UNC5D: variants seen among roughly 807,000 people sequenced by gnomAD.
UNC5D encodes unc-5 netrin receptor D, also known as netrin receptor UNC5D.
In UNC5D, 39 loss-of-function variants were observed where a neutral mutation model predicts 105.4. The observed-to-expected ratio is 0.37, with a 90% CI of 0.29 to 0.48. The LOEUF (loss-of-function observed/expected upper bound fraction) is 0.48, where lower values mean the gene tolerates loss of function less well. UNC5D is among the 20% of genes least tolerant of loss of function. The pLI, the probability that UNC5D is intolerant of heterozygous loss-of-function variation, is 0.98. For synonymous variants in UNC5D, 452 were observed against 450.4 expected, an observed-to-expected ratio of 1.00 and a Z score of -0.04; for missense variants, 991 against 1,202.4, an observed-to-expected ratio of 0.82 and a Z score of 2.60.
At chr8:35,641,725 C>T (rs924943445) in intron 4 of UNC5D, among the ~76,000 whole-genome samples, 7 of 152,098 alleles carry the variant, frequency 4.6e-5, no homozygotes, top group Non-Finnish European at 8.8e-5. Context: ...TGCAAAAATA[C>T]GGCTTTTTCA....
chr8:35,704,992 G>A (rs1173941015), intron 7 of UNC5D, among the ~76,000 whole-genome samples: 1 of 142,246 alleles, frequency 7.0e-6, no homozygotes, highest in Non-Finnish European at 1.5e-5. Context: ...TTGAGACGGA[G>A]TCTCGCTGTT....
chr8:35,474,865 G>T (rs1201044376), intron 1 of UNC5D, among the ~76,000 whole-genome samples: 1 of 152,200 alleles, frequency 6.6e-6, no homozygotes. Context: ...TCACAGTGGT[G>T]GAAAGGAGGC....
At chr8:35,633,023 G>C (rs1303968052) in intron 4 of UNC5D, among the ~76,000 whole-genome samples, 1 of 152,146 alleles carries the variant, frequency 6.6e-6, no homozygotes, top group Non-Finnish European at 1.5e-5. Context: ...GGACCAACTT[G>C]CACTCCAATA....
intron 11 of UNC5D, among the ~76,000 whole-genome samples, chr8:35,737,840 C>T (rs1586561889): frequency 6.6e-6 from 1 of 152,268 alleles, no homozygotes; most frequent in East Asian, 1.9e-4. Flanking sequence ...GGCTTGGTGT[C>T]TCACGCTTGT....
At chr8:35,543,631 A>G (rs1815428267) in intron 1 of UNC5D, among the ~76,000 whole-genome samples, 1 of 148,614 alleles carries the variant, frequency 6.7e-6, no homozygotes, top group African/African-American at 2.5e-5. Context: ...AAAAATTCTT[A>G]TTATTTTATT....
intron 1 of UNC5D, among the ~76,000 whole-genome samples, chr8:35,365,449 G>A (rs1012639587): frequency 6.6e-6 from 1 of 151,870 alleles, no homozygotes; most frequent in African/African-American, 2.4e-5. Flanking sequence ...AAAAACCAAT[G>A]CATGAAGAAC....
At chr8:35,761,155 G>A (rs1198314710) in intron 14 of UNC5D, among the ~76,000 whole-genome samples, 2 of 152,038 alleles carry the variant, frequency 1.3e-5, no homozygotes, top group Admixed American at 1.3e-4. Context: ...TTTGCTTTCT[G>A]GTAAGCAGTA....
At chr8:35,482,791 A>ATTT (rs1399256412) in intron 1 of UNC5D, among the ~76,000 whole-genome samples, 3 of 98,886 alleles carry the variant, frequency 3.0e-5, no homozygotes, top group Admixed American at 1.0e-4. Flanking sequence ...CATTAAAGAG[A>ATTT]TCTTTTTTTT....
At chr8:35,353,415 C>T (rs1812385154) in intron 1 of UNC5D, among the ~76,000 whole-genome samples, 3 of 152,094 alleles carry the variant, frequency 2.0e-5, no homozygotes, top group South Asian at 2.1e-4. Flanking sequence ...GTTGTCGTGT[C>T]GGTGGATAAA....
At position 35,406,958 on chromosome 8, in the gene UNC5D, A is replaced by G. The variant is rs113166921; in HGVS notation, c.104-142334A>G. On this transcript the variant is annotated intron_variant, in intron 1 of 16. Transcript: ENST00000404895. ...TGTGTATACATGCATATATATGTAT[A>G]CATATATGAACTATCATGTACAGAC... Among the ~76,000 whole-genome samples the G allele has an allele frequency of 7.3e-3, 1,106 of 152,262 alleles. 23 individuals are homozygous for G. Among genetic ancestry groups the G allele is most frequent in the African/African-American group, 0.026 (1,062 of 41,580 alleles).
At chr8:35,449,742 T>C (rs2128990116) in intron 1 of UNC5D, among the ~76,000 whole-genome samples, 1 of 152,236 alleles carries the variant, frequency 6.6e-6, no homozygotes, top group Non-Finnish European at 1.5e-5. Flanking sequence ...CAGCCTCCCA[T>C]CTCTGGCACC....
chr8:35,373,180 T>G (rs1802518957), intron 1 of UNC5D, among the ~76,000 whole-genome samples: 1 of 152,240 alleles, frequency 6.6e-6, no homozygotes, highest in South Asian at 2.1e-4. Flanking sequence ...TCAGCCTATC[T>G]TGATTCTTTC....
rs1299486913 is a variant in UNC5D, at chr8:35,795,502, G to T, written c.*4939G>T. 6.6e-6 allele frequency: 1 copy of T among 152,122 alleles called. No homozygotes were observed. Among genetic ancestry groups the T allele is most frequent in the Admixed American group, 6.6e-5 (1 of 15,260 alleles). 9.4% of individuals were successfully genotyped at this position (152,122 alleles called of 1,614,324 possible). A position where few individuals can be genotyped will look rare whatever the true frequency, so the allele number is the denominator to read the frequency against. On this transcript the variant is annotated 3_prime_UTR_variant, in exon 17 of 17. Transcript: ENST00000404895. ...GACAATATTTGAGGGGAGTTTATCA[G>T]CAGAATATCATGCCTTATGACCCCA...
chr8:35,450,667 TA>T (rs1342964189), intron 1 of UNC5D, among the ~76,000 whole-genome samples: 1 of 152,184 alleles, frequency 6.6e-6, no homozygotes, highest in Non-Finnish European at 1.5e-5. Context: ...TTTTCCTCAG[TA>T]AAAAACTACA....
intron 1 of UNC5D, among the ~76,000 whole-genome samples, chr8:35,476,321 C>T (rs753967542): frequency 1.3e-5 from 2 of 152,198 alleles, no homozygotes; most frequent in Non-Finnish European, 2.9e-5. Flanking sequence ...CCTGGCTATG[C>T]TGTGAGGTCA....
At chr8:35,356,276 T>C (rs1408495754) in intron 1 of UNC5D, among the ~76,000 whole-genome samples, 1 of 152,160 alleles carries the variant, frequency 6.6e-6, no homozygotes, top group Non-Finnish European at 1.5e-5. Flanking sequence ...AAAATTCTCT[T>C]TAAACACTTA....
chr8:35,481,300 G>A (rs898123143), intron 1 of UNC5D, among the ~76,000 whole-genome samples: 3 of 152,276 alleles, frequency 2.0e-5, no homozygotes, highest in Non-Finnish European at 2.9e-5. Context: ...CTAAGGCAGC[G>A]TGTATTAGTG....
intron 1 of UNC5D, among the ~76,000 whole-genome samples, chr8:35,329,647 C>G (rs1219814636): frequency 6.6e-6 from 1 of 151,948 alleles, no homozygotes; most frequent in Non-Finnish European, 1.5e-5. Context: ...TGCTATAGAG[C>G]TAAACCAGTT....
intron 1 of UNC5D, among the ~76,000 whole-genome samples, chr8:35,272,329 C>A (rs1159672485): frequency 6.6e-6 from 1 of 152,144 alleles, no homozygotes; most frequent in Non-Finnish European, 1.5e-5. Flanking sequence ...GGGATGTGGG[C>A]TCTGAGTGCA....
Sources: allele counts gnomAD v4.1 joint callset (sites outside exome capture counted in the v4.1 genomes callset), GRCh38; gene constraint gnomAD v4.1.1; transcripts MANE v1.5; gene names NCBI Gene and HGNC (gene_info 2026-07-23, HGNC 2026-07-21).